The following SKOR2 variants were observed in gnomAD, a reference collection of about 807,000 sequenced individuals.
SKOR2 encodes the protein LBX1 corepressor 1-like protein.
Under a neutral mutation model 69.1 loss-of-function variants are expected in SKOR2, and 47 were observed. The ratio of observed to expected loss-of-function variants is 0.68; its 90% CI spans 0.54 to 0.87. SKOR2 has a LOEUF of 0.87. Ranked by LOEUF, SKOR2 falls within the 40% of genes least tolerant of loss-of-function variation. The pLI is 0.00. For synonymous variants in SKOR2, 717 were observed against 672.6 expected (o/e 1.07, Z -1.02); for missense variants, 1,404 against 1,472.2 (o/e 0.95, Z 0.76).
At chr18:47,245,672 GA>G (rs1385656740) in intron 2 of SKOR2, 111 bp from the exon 3 acceptor site, 1 of 939,316 alleles carries the variant, frequency 1.1e-6, no homozygotes, top group African/African-American at 1.7e-5. Flanking sequence ...GGAGCCTCAG[GA>G]GACATCATTT....
intron 7 of SKOR2, among the ~76,000 whole-genome samples, chr18:47,213,573 G>C (rs1483699648): frequency 6.6e-6 from 1 of 151,692 alleles, no homozygotes; most frequent in Admixed American, 6.6e-5. Context: ...TAATTAGTCA[G>C]CTGAATCAAA....
intron 2 of SKOR2, among the ~76,000 whole-genome samples, chr18:47,246,262 G>T (rs1352228506): frequency 6.6e-6 from 1 of 152,162 alleles, no homozygotes; most frequent in African/African-American, 2.4e-5. Flanking sequence ...GGGCAAAGGG[G>T]ATTGTTGGAT....
intron 8 of SKOR2, among the ~76,000 whole-genome samples, chr18:47,208,782 C>T (rs2064119865): frequency 6.6e-6 from 1 of 152,128 alleles, no homozygotes; most frequent in South Asian, 2.1e-4. Context: ...TTTTCAAATC[C>T]TTTCCATTGT....
Position 47,246,751 on chromosome 18 carries a change from C to G in SKOR2, c.2433G>C (p.Pro811=). 5 of 1,406,318 alleles carry G rather than the reference C, an allele frequency of 3.6e-6. No homozygotes were observed. Among genetic ancestry groups the G allele is most frequent in the Non-Finnish European group, 3.7e-6 (4 of 1,090,712 alleles). The allele number at this position is 1,406,318 out of a possible 1,614,324, so 87.1% of individuals were successfully genotyped here. A position where few individuals can be genotyped will look rare whatever the true frequency, so the allele number is the denominator to read the frequency against. The change falls in exon 2 of 9, where the codon CCG becomes CCC. Residue 811 remains proline, a synonymous_variant. Transcript: ENST00000425639. ...DRAPAVAGAF[P]LGLNSSRLLQ... ...GCAGCCTGGAGGAGTTCAGGCCGAG[C>G]GGGAACGCGCCCGCGACGGCCGGCG...
intron 3 of SKOR2, 98 bp from the exon 4 acceptor site, chr18:47,245,080 A>T: frequency 1.1e-6 from 1 of 927,522 alleles, no homozygotes; most frequent in Non-Finnish European, 1.6e-6. Context: ...GATGCTACTT[A>T]TTATATCTAA....
intron 4 of SKOR2, among the ~76,000 whole-genome samples, chr18:47,235,780 C>CAAAAAAAAAAAAAAA (rs11433396): frequency 1.7e-4 from 10 of 59,296 alleles, no homozygotes; most frequent in African/African-American, 2.6e-4. Flanking sequence ...CACAAACAAG[C>CAAAAAAAAAAAAAAA]AAAAAAAAAA....
chr18:47,245,076 A>G, intron 3 of SKOR2, 94 bp from the exon 4 acceptor site: 1 of 955,092 alleles, frequency 1.0e-6, no homozygotes, highest in Non-Finnish European at 1.6e-6. Context: ...GGAGGATGCT[A>G]CTTATTATAT....
intron 1 of SKOR2, 128 bp downstream of exon 1, chr18:47,251,246 C>T (rs1168482102): frequency 1.3e-5 from 2 of 152,352 alleles, no homozygotes; most frequent in Non-Finnish European, 2.9e-5. Flanking sequence ...TCTCCCGACT[C>T]CCAAACCAGT....
chr18:47,249,529 C>T (rs1415869319), intron 1 of SKOR2, among the ~76,000 whole-genome samples: 1 of 152,126 alleles, frequency 6.6e-6, no homozygotes, highest in Admixed American at 6.5e-5. Flanking sequence ...TTTATAGGAG[C>T]CGTTGGAATA....
chr18:47,217,354 G>A (rs1404012662), intron 7 of SKOR2, among the ~76,000 whole-genome samples: 1 of 152,130 alleles, frequency 6.6e-6, no homozygotes, highest in Non-Finnish European at 1.5e-5. Flanking sequence ...GTTCATTTTG[G>A]TTGAGGAACT....
In SKOR2 at chr18:47,247,924, C is replaced by G; in HGVS notation, c.1260G>C (p.Leu420Phe). 7.3e-7 allele frequency: 1 copy of G among 1,371,580 alleles called. No individual in the cohort carries two copies. Among genetic ancestry groups the G allele is most frequent in the Non-Finnish European group, 9.4e-7 (1 of 1,069,190 alleles). The allele number at this position is 1,371,580 out of a possible 1,614,324, so 85.0% of individuals were successfully genotyped here. ...CACCCGCATCCTCTTTCTTATGGCA[C>G]AAGCTGAAGGCGGCGGCCGCGGCAG... ...TFPAAAAAFS[L>F]CHKKEDAGAA... Residue 420 changes from leucine (L) to phenylalanine (F), a missense_variant, in exon 2 of 9, where the codon TTG (leucine) becomes TTC (phenylalanine). Physicochemically the swap from Leu to Phe is conservative, Grantham distance 22. This residue lies in a region of SKOR2 where 1,266 missense variants were observed against 1,309.9 expected (regional missense o/e 0.97). Transcript: ENST00000425639. This position sits in a 1 kb window ranked among gnomAD's most constrained non-coding sequence, Gnocchi z 6.6.
At chr18:47,227,140 CTCCTCCATCT>C (rs1375145833) in intron 6 of SKOR2, among the ~76,000 whole-genome samples, 2 of 151,946 alleles carry the variant, frequency 1.3e-5, no homozygotes, top group Non-Finnish European at 2.9e-5. Flanking sequence ...CTTGTTTCTT[CTCCTCCATCT>C]TCCTCCTTCT....
intron 1 of SKOR2, among the ~76,000 whole-genome samples, chr18:47,250,703 C>T (rs184884669): frequency 5.9e-5 from 9 of 152,270 alleles, no homozygotes; most frequent in Admixed American, 3.9e-4. Flanking sequence ...TTACATTTGG[C>T]GGCCTCCAGG....
At chr18:47,219,370 A>G (rs192370388) in intron 7 of SKOR2, among the ~76,000 whole-genome samples, 82 of 149,730 alleles carry the variant, frequency 5.5e-4, no homozygotes, top group African/African-American at 1.7e-3. Flanking sequence ...AAACAAAACC[A>G]CTACATTTAC....
intron 7 of SKOR2, 90 bp downstream of exon 7, chr18:47,219,853 T>A (rs1244289961): frequency 8.5e-7 from 1 of 1,175,046 alleles, no homozygotes; most frequent in Admixed American, 2.1e-5. Flanking sequence ...AAGGATTTCA[T>A]GCAAAAACGT....
intron 8 of SKOR2, 131 bp downstream of exon 8, chr18:47,211,955 G>A: frequency 4.1e-6 from 3 of 731,830 alleles, no homozygotes; most frequent in Non-Finnish European, 5.6e-6. Context: ...AAGTTTATTG[G>A]TATATTGACT....
Position 47,246,590 on chromosome 18 carries a change from T to C in SKOR2, c.2594A>G (p.Glu865Gly), listed in dbSNP as rs1344966881. 6.6e-7 allele frequency: 1 copy of C among 1,520,928 alleles called. No homozygotes were observed. The highest frequency in any genetic ancestry group is 8.8e-7 in the Non-Finnish European group (1 of 1,140,620). The allele number at this position is 1,520,928 out of a possible 1,614,324, so 94.2% of individuals were successfully genotyped here. Residue 865 changes from glutamate (E) to glycine (G), a missense_variant, in exon 2 of 9, where the codon GAG becomes GGG. By Grantham distance (98) the Glu-to-Gly change is moderately conservative. Around this residue, in one of 3 missense-constraint regions of SKOR2, gnomAD observed 1,266 missense variants for 1,309.9 expected, o/e 0.97. Coordinates refer to ENST00000425639, the MANE Select transcript of SKOR2 (RefSeq NM_001278063.4). Reference sequence around the variant, plus strand: ...ATTTACATCTTTGTAGGAGGGCTGCTCCTCCAGTGATGGATGGTGAACTGG... The same window carrying C: ...ATTTACATCTTTGTAGGAGGGCTGCCCCTCCAGTGATGGATGGTGAACTGG... ...GSPVHHPSLE[E>G]QPSYKDSQKT...
chr18:47,228,055 C>T (rs986434825), intron 6 of SKOR2, among the ~76,000 whole-genome samples: 3 of 152,206 alleles, frequency 2.0e-5, no homozygotes, highest in Non-Finnish European at 2.9e-5. Flanking sequence ...TGCTTCTTTC[C>T]GATGAGGCTT....
intron 7 of SKOR2, among the ~76,000 whole-genome samples, chr18:47,212,956 C>G (rs767688916): frequency 1.8e-4 from 27 of 152,084 alleles, no homozygotes; most frequent in South Asian, 4.1e-4. Context: ...AGAGCAAGAC[C>G]CCTTCTCTCT....
Sources: allele counts gnomAD v4.1 joint callset (sites outside exome capture counted in the v4.1 genomes callset), GRCh38; gene constraint gnomAD v4.1.1; regional missense constraint gnomAD v4.1.1; non-coding constraint Gnocchi (gnomAD v3.1); transcripts MANE v1.5; gene names NCBI Gene and HGNC (gene_info 2026-07-23, HGNC 2026-07-21).